SPPL2A: variants seen among roughly 807,000 people sequenced by gnomAD.
SPPL2A encodes the protein signal peptide peptidase like 2A.
Under a neutral mutation model 63.8 loss-of-function variants are expected in SPPL2A, and 51 were observed. That is an observed-to-expected ratio of 0.80 (90% CI 0.64 to 1.01). The LOEUF (loss-of-function observed/expected upper bound fraction) is 1.01. SPPL2A is among the 50% of genes least tolerant of loss of function. SPPL2A has a pLI of 0.00. For missense variants in SPPL2A, 553 were observed against 622.7 expected, an observed-to-expected ratio of 0.89 and a Z score of 1.19; for synonymous variants, 188 against 205.8, an observed-to-expected ratio of 0.91 and a Z score of 0.74.
intron 6 of SPPL2A, among the ~76,000 whole-genome samples, chr15:50,738,987 C>CAAT (rs920552855): frequency 3.9e-5 from 6 of 151,912 alleles, no homozygotes; most frequent in Non-Finnish European, 8.8e-5. Context: ...TAAGTAGAGG[C>CAAT]AATACATCAG....
intron 14 of SPPL2A, among the ~76,000 whole-genome samples, chr15:50,709,389 G>A (rs529876278): frequency 2.0e-5 from 3 of 152,220 alleles, no homozygotes; most frequent in Admixed American, 1.3e-4. Context: ...AGAACAAGAG[G>A]GTGGAATCAT....
chr15:50,725,984 A>G (rs2062684269), intron 11 of SPPL2A: 2 of 837,838 alleles, frequency 2.4e-6, no homozygotes, highest in African/African-American at 1.8e-5. Flanking sequence ...TTTTTTGGCA[A>G]TCTGGATTTT....
intron 3 of SPPL2A, among the ~76,000 whole-genome samples, chr15:50,748,425 A>G (rs1039095564): frequency 6.6e-6 from 1 of 151,546 alleles, no homozygotes; most frequent in Non-Finnish European, 1.5e-5. Context: ...TTCATATTAC[A>G]TATGTGTAAT....
chr15:50,730,230 C>T (rs1386621943), intron 10 of SPPL2A, among the ~76,000 whole-genome samples: 1 of 152,078 alleles, frequency 6.6e-6, no homozygotes, highest in Admixed American at 6.6e-5. Context: ...CCTCATTTTA[C>T]TGAAGAGCTA....
intron 10 of SPPL2A, among the ~76,000 whole-genome samples, chr15:50,730,262 GA>G (rs1348749085): frequency 2.6e-5 from 4 of 152,078 alleles, no homozygotes; most frequent in African/African-American, 9.7e-5. Flanking sequence ...GGGAATATAT[GA>G]CCTAGGAGCT....
intron 13 of SPPL2A, among the ~76,000 whole-genome samples, chr15:50,720,982 T>C (rs2062641777): frequency 6.6e-6 from 1 of 152,144 alleles, no homozygotes; most frequent in Admixed American, 6.6e-5. Flanking sequence ...AACACTCCTA[T>C]AATCTGCCTT....
At chr15:50,720,523 T>C (rs906268114) in intron 13 of SPPL2A, among the ~76,000 whole-genome samples, 1 of 149,482 alleles carries the variant, frequency 6.7e-6, no homozygotes, top group African/African-American at 2.5e-5. Flanking sequence ...TTTTCTTTTT[T>C]TTTTTTTTTT....
chr15:50,729,660 A>G (rs2062715640), intron 10 of SPPL2A, among the ~76,000 whole-genome samples: 1 of 152,170 alleles, frequency 6.6e-6, no homozygotes. Context: ...TTGTGTCTCA[A>G]AGAAGAGGAA....
intron 14 of SPPL2A, among the ~76,000 whole-genome samples, chr15:50,711,201 G>A (rs1313369839): frequency 2.1e-5 from 3 of 143,298 alleles, no homozygotes; most frequent in Admixed American, 2.1e-4. Context: ...TTCCAAATTA[G>A]TATCCTTTTT....
Position 50,736,659 on chromosome 15 carries a change from G to C in SPPL2A, c.815C>G (p.Pro272Arg), listed in dbSNP as rs1286860137. The change falls in exon 7 of 15, where the codon CCA becomes CGA. Residue 272 changes from proline (P) to arginine (R), a missense_variant. Transcript: ENST00000261854. The stretch of plus-strand genomic sequence containing the variant: ...AGATACGTACGTGCATTGTCCATAT[G>C]GTATCTTATGAATTAGTGCAGCAAG... ...NCLAALIHKI[P>R]YGQCTIACRG... The C allele has an allele frequency of 1.1e-5, 18 of 1,579,356 alleles. No homozygotes were observed. Among genetic ancestry groups the C allele is most frequent in the Non-Finnish European group, 1.6e-5 (18 of 1,149,832 alleles).
intron 13 of SPPL2A, among the ~76,000 whole-genome samples, chr15:50,720,545 G>GTTTT (rs1555441399): frequency 1.4e-5 from 2 of 142,206 alleles, no homozygotes; most frequent in East Asian, 2.2e-4. Flanking sequence ...TCGAAATGGA[G>GTTTT]TTTTGTTCTT....
At chr15:50,757,401 T>C (rs1346931114) in intron 1 of SPPL2A, among the ~76,000 whole-genome samples, 1 of 151,974 alleles carries the variant, frequency 6.6e-6, no homozygotes, top group Admixed American at 6.6e-5. Context: ...TTCCTTATAC[T>C]CTTCTAAATA....
intron 5 of SPPL2A, 131 bp downstream of exon 5, chr15:50,747,364 A>T: frequency 2.7e-6 from 2 of 738,594 alleles, no homozygotes; most frequent in South Asian, 3.3e-5. Flanking sequence ...CATGAGGACA[A>T]ACCTGCAGAC....
chr15:50,742,723 C>T (rs1475552183), intron 5 of SPPL2A: 1 of 152,132 alleles, frequency 6.6e-6, no homozygotes, highest in Non-Finnish European at 1.5e-5. Context: ...CTCTTAGAAT[C>T]AGCCCCCTCA....
At chr15:50,747,367 C>G (rs2062866104) in intron 5 of SPPL2A, 128 bp downstream of exon 5, 2 of 753,824 alleles carry the variant, frequency 2.7e-6, no homozygotes, top group Middle Eastern at 3.8e-4. Flanking sequence ...GAGGACAAAC[C>G]TGCAGACTGG....
At chr15:50,746,774 TCTC>T (rs1326635260) in intron 5 of SPPL2A, 1 of 151,678 alleles carries the variant, frequency 6.6e-6, no homozygotes, top group Non-Finnish European at 1.5e-5. Flanking sequence ...TTCAAGCAAT[TCTC>T]CTGCCTCAGC....
chr15:50,703,165 A>C lies in SPPL2A; in HGVS notation c.*4635T>G, dbSNP rs12442197. The C allele has an allele frequency of 0.17, 25,272 of 150,394 alleles. 2,673 individuals are homozygous for C. The highest frequency in any genetic ancestry group is 0.46 in the East Asian group (2,323 of 5,060). The allele number at this position is 150,394 out of a possible 1,614,324, so 9.3% of individuals were successfully genotyped here. A position where few individuals can be genotyped will look rare whatever the true frequency, so the allele number is the denominator to read the frequency against. On this transcript the variant is annotated 3_prime_UTR_variant, in exon 15 of 15. Transcript: ENST00000261854. ...ACTACAGCCTCAAACTCCTGGGCTCAAGGGACCCTCCCATCTCAGCCAGTA... is the reference window on the plus strand; with the variant it reads ...ACTACAGCCTCAAACTCCTGGGCTCCAGGGACCCTCCCATCTCAGCCAGTA...
chr15:50,711,327 A>G (rs1174857874), intron 14 of SPPL2A, among the ~76,000 whole-genome samples: 1 of 149,470 alleles, frequency 6.7e-6, no homozygotes, highest in Non-Finnish European at 1.5e-5. Flanking sequence ...CTCCCCCCTC[A>G]GCCTCCCTAG....
intron 5 of SPPL2A, chr15:50,743,309 T>A (rs1011667169): frequency 1.3e-5 from 2 of 152,082 alleles, no homozygotes; most frequent in African/African-American, 4.8e-5. Context: ...TGGGCCCCTA[T>A]CCCAAATCTA....
Sources: allele counts gnomAD v4.1 joint callset (sites outside exome capture counted in the v4.1 genomes callset), GRCh38; gene constraint gnomAD v4.1.1; transcripts MANE v1.5; gene names NCBI Gene and HGNC (gene_info 2026-07-23, HGNC 2026-07-21).